Variants in MACROD2 observed in about 807,000 individuals in gnomAD.
MACROD2 encodes ADP-ribose glycohydrolase MACROD2.
MACROD2 carries 36 observed loss-of-function variants against 70.4 expected under a neutral mutation model. That is an observed-to-expected ratio of 0.51 (90% confidence interval 0.39 to 0.68). The LOEUF is 0.68. Ranked by LOEUF, MACROD2 falls within the 30% of genes least tolerant of loss-of-function variation. MACROD2 has a pLI of 0.00. For synonymous variants in MACROD2, 172 were observed against 178.8 expected (o/e 0.96, Z 0.30); for missense variants, 496 against 538.4 (o/e 0.92, Z 0.78).
At chr20:15,010,789 G>A (rs1416587149) in intron 5 of MACROD2, among the ~76,000 whole-genome samples, 1 of 152,116 alleles carries the variant, frequency 6.6e-6, no homozygotes, top group Non-Finnish European at 1.5e-5. Context: ...TTTGAAATGA[G>A]CGTCAGTGAA....
chr20:14,083,394 G>A (rs2054027563), intron 2 of MACROD2, among the ~76,000 whole-genome samples: 1 of 150,608 alleles, frequency 6.6e-6, no homozygotes, highest in African/African-American at 2.4e-5. Context: ...TTGCACCCCA[G>A]CCTGGGCAAC....
intron 5 of MACROD2, among the ~76,000 whole-genome samples, chr20:14,994,688 A>G (rs1444869013): frequency 1.3e-5 from 2 of 152,214 alleles, no homozygotes; most frequent in African/African-American, 2.4e-5. Context: ...CAGCACACCA[A>G]TATCTCTCAC....
At chr20:15,478,606 G>A (rs1167738630) in intron 7 of MACROD2, among the ~76,000 whole-genome samples, 2 of 151,854 alleles carry the variant, frequency 1.3e-5, no homozygotes, top group African/African-American at 4.8e-5. Flanking sequence ...GTTTTTTTGA[G>A]CCTAGACGTT....
At chr20:14,446,836 A>G (rs2084188093) in intron 3 of MACROD2, among the ~76,000 whole-genome samples, 1 of 152,092 alleles carries the variant, frequency 6.6e-6, no homozygotes, top group South Asian at 2.1e-4. Flanking sequence ...AAAATAGTAT[A>G]AGCAGTCTAT....
chr20:14,940,336 A>T (rs1252525378), intron 5 of MACROD2, among the ~76,000 whole-genome samples: 1 of 152,062 alleles, frequency 6.6e-6, no homozygotes, highest in Non-Finnish European at 1.5e-5. Context: ...CCTGTCTCAA[A>T]AACAAAACAA....
rs188999063 is a variant in MACROD2 at position 15,919,749 on chromosome 20, A to G, written c.776-13527A>G. On this transcript the variant is annotated intron_variant, in intron 10 of 17. Transcript: ENST00000684519. The stretch of plus-strand genomic sequence containing the variant: ...GACTCCATTTGAAAAAGAAGAAGGG[A>G]AAAAAAAGGAATGTGATTATCATCT... Among the ~76,000 whole-genome samples the G allele has an allele frequency of 2.2e-3, 333 of 152,034 alleles. 1 individual carries two copies. The highest frequency in any genetic ancestry group is 7.5e-3 in the African/African-American group (313 of 41,484).
At chr20:14,379,000 C>T (rs1167624749) in intron 3 of MACROD2, among the ~76,000 whole-genome samples, 1 of 152,142 alleles carries the variant, frequency 6.6e-6, no homozygotes, top group Non-Finnish European at 1.5e-5. Flanking sequence ...ACCCTAGAAT[C>T]TCAGATGCTT....
intron 5 of MACROD2, among the ~76,000 whole-genome samples, chr20:15,183,264 A>T (rs550211452): frequency 2.0e-5 from 3 of 152,258 alleles, no homozygotes; most frequent in Admixed American, 2.0e-4. Flanking sequence ...GCCAGGTATG[A>T]TGGCTCACTC....
At chr20:15,279,406 C>T (rs1014887983) in intron 6 of MACROD2, among the ~76,000 whole-genome samples, 3 of 152,172 alleles carry the variant, frequency 2.0e-5, no homozygotes, top group African/African-American at 7.2e-5. Flanking sequence ...CAGTCATCCC[C>T]AGGCTGAGAA....
chr20:15,489,139 A>G (rs2047196824), intron 7 of MACROD2, among the ~76,000 whole-genome samples: 1 of 152,216 alleles, frequency 6.6e-6, no homozygotes, highest in African/African-American at 2.4e-5. Context: ...TAAATAAATG[A>G]AAGAAAAAGT....
Position 14,578,020 on chromosome 20 carries a change from T to G in MACROD2, c.301+84512T>G, listed in dbSNP as rs534835202. 2.1e-4 allele frequency among the ~76,000 whole-genome samples: 32 copies of G among 152,234 alleles called. No individual in the cohort carries two copies. In the East Asian group the frequency reaches 5.6e-3, roughly 27 times the overall value. On this transcript the variant is annotated intron_variant, in intron 4 of 17. Coordinates refer to ENST00000684519, the MANE Select transcript of MACROD2 (RefSeq NM_001351661.2). ...AGCTAGATCCAGAACCCAGGATTTC[T>G]GAAGTACAACCTGTTGTTCTTTCTA...
chr20:14,565,829 C>T (rs1205583395), intron 4 of MACROD2, among the ~76,000 whole-genome samples: 2 of 151,850 alleles, frequency 1.3e-5, no homozygotes, highest in Non-Finnish European at 2.9e-5. Flanking sequence ...AGTGTATCAT[C>T]TGGGCCCCTC....
At chr20:15,538,884 C>T (rs1221914743) in intron 8 of MACROD2, among the ~76,000 whole-genome samples, 1 of 151,824 alleles carries the variant, frequency 6.6e-6, no homozygotes, top group Non-Finnish European at 1.5e-5. Flanking sequence ...GTATTTGCTA[C>T]TCTACTGCTT....
chr20:15,227,224 T>G (rs947006977), intron 5 of MACROD2, among the ~76,000 whole-genome samples: 2 of 152,150 alleles, frequency 1.3e-5, no homozygotes, highest in Admixed American at 6.5e-5. Flanking sequence ...CAAGGAATAA[T>G]TTTTCATAAA....
At chr20:14,273,118 T>G (rs2082212697) in intron 3 of MACROD2, among the ~76,000 whole-genome samples, 3 of 152,232 alleles carry the variant, frequency 2.0e-5, no homozygotes, top group South Asian at 4.2e-4. Flanking sequence ...ACCCAGGAAT[T>G]GAACTCAGCT....
chr20:14,150,731 G>A (rs951358639), intron 3 of MACROD2, among the ~76,000 whole-genome samples: 1 of 152,048 alleles, frequency 6.6e-6, no homozygotes, highest in Non-Finnish European at 1.5e-5. Context: ...AGATAAAAAG[G>A]TAGTAGTTTT....
At chr20:14,744,216 G>A (rs1415353871) in intron 5 of MACROD2, among the ~76,000 whole-genome samples, 2 of 152,154 alleles carry the variant, frequency 1.3e-5, no homozygotes. Context: ...GTATATATAT[G>A]CAAGAGGCTG....
In MACROD2 at chr20:15,986,820, A is replaced by G. The variant is rs1555804363; in HGVS notation, c.1060+19A>G. The G allele has an allele frequency of 9.6e-6, 15 of 1,567,854 alleles. No homozygotes were observed. In the South Asian group the frequency reaches 1.6e-4, roughly 16 times the overall value. ...ACAGAAGGTACTGAAACCAAAATAT[A>G]TTGTTATCAGAGAATGAGATGAAAC... On this transcript the variant is annotated intron_variant, in intron 14 of 17. Coordinates refer to ENST00000684519, the MANE Select transcript of MACROD2 (RefSeq NM_001351661.2).
chr20:14,493,280 T>C, intron 3 of MACROD2, among the ~76,000 whole-genome samples, 199 bp from the exon 4 acceptor site: 1 of 151,940 alleles, frequency 6.6e-6, no homozygotes, highest in Non-Finnish European at 1.5e-5. Context: ...AGAAAAAAGA[T>C]AAAAGTAGTG....
Sources: allele counts gnomAD v4.1 joint callset (sites outside exome capture counted in the v4.1 genomes callset), GRCh38; gene constraint gnomAD v4.1.1; transcripts MANE v1.5; gene names NCBI Gene and HGNC (gene_info 2026-07-23, HGNC 2026-07-21).